The following MAL2 variants were observed in gnomAD, a reference collection of about 807,000 sequenced individuals.
MAL2 encodes the protein protein MAL2.
Under a neutral mutation model 18.1 loss-of-function variants are expected in MAL2, and 17 were observed. The ratio of observed to expected loss-of-function variants is 0.94; its 90% CI spans 0.64 to 1.41. MAL2 has a LOEUF of 1.41. MAL2 is among the 40% of genes most tolerant of loss of function. The probability of loss-of-function intolerance (pLI) is 0.00; values close to 1 mark genes in which losing one functional copy is unlikely to be tolerated. For missense variants in MAL2, 222 were observed against 231.9 expected, an observed-to-expected ratio of 0.96 and a Z score of 0.28; for synonymous variants, 102 against 102.3, an observed-to-expected ratio of 1.00 and a Z score of 0.02.
At position 119,208,442 on chromosome 8, in the gene MAL2, C is replaced by A. The variant is rs1817217794; in HGVS notation, c.-31C>A. On this transcript the variant is annotated 5_prime_UTR_variant, in exon 1 of 4. Coordinates refer to ENST00000614891, the MANE Select transcript of MAL2 (RefSeq NM_052886.3). This position sits in a 1 kb window ranked among gnomAD's most constrained non-coding sequence, Gnocchi z 4.3. ...AGGCGGAGGCGGGAGGCGGCGGCGG[C>A]GCGCGGAGACGCAGCAGCGGCAGCG... 2.6e-6 allele frequency: 3 copies of A among 1,158,680 alleles called. No individual in the cohort carries two copies. Among genetic ancestry groups the A allele is most frequent in the Non-Finnish European group, 3.2e-6 (3 of 938,678 alleles). 71.8% of individuals were successfully genotyped at this position (1,158,680 alleles called of 1,614,324 possible).
At chr8:119,210,212 ATATGTATG>A (rs574289016) in intron 1 of MAL2, among the ~76,000 whole-genome samples, 8 of 152,278 alleles carry the variant, frequency 5.3e-5, no homozygotes, top group African/African-American at 1.9e-4. Context: ...TTATTCAAAT[ATATGTATG>A]TATGTATGTA....
In MAL2 at chr8:119,245,458, A is replaced by T. The variant is rs1256789025; in HGVS notation, c.*1970A>T. Reference sequence around the variant, plus strand: ...GATTGTTACAAACCAAGCCTAAGACACATCTGTGAATACTTAGATTTGTAG... The same window carrying T: ...GATTGTTACAAACCAAGCCTAAGACTCATCTGTGAATACTTAGATTTGTAG... On this transcript the variant is annotated 3_prime_UTR_variant, in exon 4 of 4. Transcript: ENST00000614891. 1 of 152,634 alleles carries T rather than the reference A, an allele frequency of 6.6e-6. No individual in the cohort carries two copies. The highest frequency in any genetic ancestry group is 2.4e-5 in the African/African-American group (1 of 41,472). The allele number at this position is 152,634 out of a possible 1,614,324, so 9.5% of individuals were successfully genotyped here. A position where few individuals can be genotyped will look rare whatever the true frequency, so the allele number is the denominator to read the frequency against.
chr8:119,237,985 G>A (rs1817949639), intron 2 of MAL2, among the ~76,000 whole-genome samples: 1 of 152,200 alleles, frequency 6.6e-6, no homozygotes, highest in Admixed American at 6.5e-5. Context: ...AGGAAAAGAG[G>A]AAGTCATATT....
chr8:119,215,341 A>G (rs1817332219), intron 1 of MAL2: 1 of 152,198 alleles, frequency 6.6e-6, no homozygotes, highest in Non-Finnish European at 1.5e-5. Context: ...TAGCATCCCA[A>G]GCTGCACTCC....
intron 2 of MAL2, among the ~76,000 whole-genome samples, chr8:119,231,247 T>G (rs182342177): frequency 2.0e-5 from 3 of 152,174 alleles, no homozygotes; most frequent in Non-Finnish European, 4.4e-5. Context: ...TTAGCCAGGA[T>G]GGTCTCTCTC....
chr8:119,240,394 C>T, intron 3 of MAL2, 74 bp downstream of exon 3: 1 of 1,470,140 alleles, frequency 6.8e-7, no homozygotes, highest in Non-Finnish European at 9.3e-7. Context: ...AGAAACTCCT[C>T]AGGCAACAAT....
At chr8:119,225,520 T>C (rs1817572322) in intron 2 of MAL2, among the ~76,000 whole-genome samples, 1 of 152,344 alleles carries the variant, frequency 6.6e-6, no homozygotes, top group South Asian at 2.1e-4. Flanking sequence ...CCAGCCTCAT[T>C]GTTGGACATT....
At chr8:119,219,544 TGTGTGTGTGTGAGAGAGAGAGACAGA>T (rs1817426944) in intron 1 of MAL2, among the ~76,000 whole-genome samples, 2 of 140,482 alleles carry the variant, frequency 1.4e-5, no homozygotes, top group African/African-American at 6.2e-5. Flanking sequence ...TGTGTGTGTG[TGTGTGTGTGTGAGAGAGAGAGACAGA>T]GAGAGAGAGA....
intron 1 of MAL2, among the ~76,000 whole-genome samples, chr8:119,220,811 C>T (rs1817450508): frequency 6.6e-6 from 1 of 152,202 alleles, no homozygotes; most frequent in African/African-American, 2.4e-5. Flanking sequence ...TGTGGACCTG[C>T]AGTGCCCAGT....
chr8:119,212,789 A>G (rs1427369518), intron 1 of MAL2, among the ~76,000 whole-genome samples: 1 of 152,162 alleles, frequency 6.6e-6, no homozygotes, highest in Non-Finnish European at 1.5e-5. Flanking sequence ...GACAATGGCA[A>G]GAACGTTCTG....
intron 1 of MAL2, among the ~76,000 whole-genome samples, chr8:119,213,624 G>C (rs1055808180): frequency 1.3e-5 from 2 of 152,104 alleles, no homozygotes; most frequent in East Asian, 1.9e-4. Context: ...TTCAAGACCA[G>C]CCTGACCAAC....
intron 3 of MAL2, among the ~76,000 whole-genome samples, chr8:119,242,770 C>G (rs1818072507): frequency 6.6e-6 from 1 of 152,144 alleles, no homozygotes; most frequent in African/African-American, 2.4e-5. Flanking sequence ...TTTGCTTTGT[C>G]TTTTAGTCTT....
chr8:119,242,512 G>A (rs191371977), intron 3 of MAL2, among the ~76,000 whole-genome samples: 1 of 152,016 alleles, frequency 6.6e-6, no homozygotes, highest in African/African-American at 2.4e-5. Flanking sequence ...CCTAATAATA[G>A]GTATCAAATA....
intron 2 of MAL2, among the ~76,000 whole-genome samples, chr8:119,224,966 T>A (rs1241895359): frequency 6.6e-5 from 10 of 152,188 alleles, no homozygotes. Flanking sequence ...GTTCTCATTT[T>A]TACAAATGAG....
intron 2 of MAL2, among the ~76,000 whole-genome samples, chr8:119,236,843 A>AAGATCCAAAATTGACACCCTAACATC (rs1274428589): frequency 1.3e-5 from 2 of 151,460 alleles, no homozygotes; most frequent in Admixed American, 1.3e-4. Flanking sequence ...GAAAGCAGGA[A>AAGATCCAAAATTGACACCCTAACATC]AGATCCAAAA....
chr8:119,220,538 C>G (rs1038710384), intron 1 of MAL2, among the ~76,000 whole-genome samples: 7 of 152,162 alleles, frequency 4.6e-5, no homozygotes, highest in African/African-American at 1.7e-4. Flanking sequence ...ATGATCTTGG[C>G]TTTGTCATCG....
At chr8:119,232,992 A>G (rs963593788) in intron 2 of MAL2, among the ~76,000 whole-genome samples, 2 of 85,292 alleles carry the variant, frequency 2.3e-5, no homozygotes, top group Non-Finnish European at 5.6e-5. Context: ...TTTGCTGAGG[A>G]GAGCTTTACT....
At chr8:119,243,332 C>T (rs1818086169) in intron 3 of MAL2, 85 bp from the exon 4 acceptor site, 3 of 949,958 alleles carry the variant, frequency 3.2e-6, no homozygotes, top group Non-Finnish European at 3.0e-6. Flanking sequence ...GATTGTTGGT[C>T]AAACTTCATA....
At chr8:119,225,655 A>G (rs1167442363) in intron 2 of MAL2, among the ~76,000 whole-genome samples, 1 of 152,234 alleles carries the variant, frequency 6.6e-6, no homozygotes, top group Non-Finnish European at 1.5e-5. Context: ...TGGCTGGGTC[A>G]AATGGTATTC....
Sources: gnomAD v4.1 joint callset for allele counts (sites outside exome capture counted in the v4.1 genomes callset) on GRCh38, gnomAD v4.1.1 for gene constraint, Gnocchi (gnomAD v3.1) non-coding constraint, MANE v1.5 for transcripts, NCBI Gene and HGNC (gene_info 2026-07-23, HGNC 2026-07-21) for gene names.